Variants in MAGOHB observed in about 807,000 individuals in gnomAD.
MAGOHB encodes mago homolog B, exon junction complex subunit.
MAGOHB carries 15 observed loss-of-function variants against 20.9 expected under a neutral mutation model. That is an observed-to-expected ratio of 0.72 (90% CI 0.48 to 1.11). MAGOHB has a LOEUF of 1.11. Ranked by LOEUF, MAGOHB falls within the 50% of genes least tolerant of loss-of-function variation. MAGOHB has a pLI of 0.00. For missense variants in MAGOHB, 162 were observed against 177.6 expected, an observed-to-expected ratio of 0.91 and a Z score of 0.50; for synonymous variants, 50 against 57.9, an observed-to-expected ratio of 0.86 and a Z score of 0.62.
chr12:10,610,054 A>C (rs17742055), intron 2 of MAGOHB, 113 bp from the exon 3 acceptor site: 26,845 of 577,626 alleles, frequency 0.046, 745 homozygotes, highest in Middle Eastern at 0.08. Flanking sequence ...AGAAAAATTT[A>C]ATTGATTCCA....
intron 4 of MAGOHB, among the ~76,000 whole-genome samples, chr12:10,606,909 G>C (rs1865639246): frequency 6.6e-6 from 1 of 152,048 alleles, no homozygotes; most frequent in African/African-American, 2.4e-5. Flanking sequence ...TTTAGGAATA[G>C]TTCCATAGAA....
At position 10,613,321 on chromosome 12, in the gene MAGOHB, T is replaced by C; in HGVS notation, c.94+118A>G. 4.7e-6 allele frequency: 4 copies of C among 858,660 alleles called. 1 individual carries two copies. Among genetic ancestry groups the C allele is most frequent in the South Asian group, 4.1e-5 (3 of 73,678 alleles). The allele number at this position is 858,660 out of a possible 1,614,324, so 53.2% of individuals were successfully genotyped here. A position where few individuals can be genotyped will look rare whatever the true frequency, so the allele number is the denominator to read the frequency against. Reference sequence around the variant, plus strand: ...AACCAACTTATGCCTCCTCTATTCTTAAGCTCCTATTTCCTTCGAGGGAAG... The same window carrying C: ...AACCAACTTATGCCTCCTCTATTCTCAAGCTCCTATTTCCTTCGAGGGAAG... On this transcript the variant is annotated intron_variant, in intron 1 of 4. Transcript: ENST00000320756.
intron 1 of MAGOHB, chr12:10,612,997 C>A: frequency 9.9e-6 from 12 of 1,207,610 alleles, no homozygotes; most frequent in South Asian, 1.3e-5. Context: ...AACAATTACA[C>A]GTAAACACCT....
At chr12:10,600,421 TA>T (rs2120482194), downstream of MAGOHB, among the ~76,000 whole-genome samples, 1 of 152,166 alleles carries the variant, frequency 6.6e-6, no homozygotes, top group Non-Finnish European at 1.5e-5. Flanking sequence ...GGAAACTTTT[TA>T]AGCATAAAAT....
Position 10,612,190 on chromosome 12 carries a change from AATAACATAACATAACATAAC to A in MAGOHB, c.94+1229_94+1248del, listed in dbSNP as rs3059682. ...CATGGGGAAACCCATCTCTACAAAA[AATAACATAACATAACATAAC>A]ATAACATAACATAACATAACATAAC... On this transcript the variant is annotated intron_variant, in intron 1 of 4. Coordinates refer to ENST00000320756, the MANE Select transcript of MAGOHB (RefSeq NM_018048.5). Among the ~76,000 whole-genome samples, 686 of 141,452 alleles carry A rather than the reference AATAACATAACATAACATAAC, an allele frequency of 4.8e-3. 1 individual carries two copies. The highest frequency in any genetic ancestry group is 0.015 in the East Asian group (71 of 4,692). The allele number at this position is 141,452 out of a possible 152,430, so 92.8% of individuals were successfully genotyped here.
intron 3 of MAGOHB, chr12:10,609,019 T>C (rs956798301): frequency 6.3e-6 from 1 of 159,470 alleles, no homozygotes; most frequent in African/African-American, 2.4e-5. Flanking sequence ...CATATGTGTA[T>C]CTGCATAAAA....
At chr12:10,608,105 C>G (rs1319962973) in intron 3 of MAGOHB, 169 bp from the exon 4 acceptor site, 1 of 505,092 alleles carries the variant, frequency 2.0e-6, no homozygotes, top group Non-Finnish European at 3.4e-6. Flanking sequence ...AAACTATATC[C>G]TTAAAATAAA....
At chr12:10,610,803 C>A in intron 1 of MAGOHB, 123 bp from the exon 2 acceptor site, 2 of 919,496 alleles carry the variant, frequency 2.2e-6, no homozygotes, top group South Asian at 4.3e-5. Context: ...TTCCTCCCTC[C>A]TTGTGTAAGA....
downstream of MAGOHB, among the ~76,000 whole-genome samples, chr12:10,600,706 G>A (rs1414303055): frequency 6.6e-6 from 1 of 152,106 alleles, no homozygotes; most frequent in Non-Finnish European, 1.5e-5. Context: ...TCCACCATGA[G>A]GCAGACCCTG....
rs9989030 is a variant in MAGOHB at position 10,606,227 on chromosome 12, C to T, written c.*48G>A. On this transcript the variant is annotated 3_prime_UTR_variant, in exon 5 of 5. Coordinates refer to ENST00000320756, the MANE Select transcript of MAGOHB (RefSeq NM_018048.5). The stretch of plus-strand genomic sequence containing the variant: ...CCCAATACTGTAAATGACAAATAAC[C>T]CCTCCCATCCCTTAATTAAATATAC... The T allele has an allele frequency of 8.8e-4, 861 of 982,202 alleles. 4 individuals carry two copies. The African/African-American group carries it at 0.013, about 15-fold the overall frequency. 60.8% of individuals were successfully genotyped at this position (982,202 alleles called of 1,614,324 possible). A position where few individuals can be genotyped will look rare whatever the true frequency, so the allele number is the denominator to read the frequency against.
At chr12:10,603,608 T>G (rs1372991348), downstream of MAGOHB, among the ~76,000 whole-genome samples, 1 of 152,008 alleles carries the variant, frequency 6.6e-6, no homozygotes, top group East Asian at 1.9e-4. Flanking sequence ...TGATCTGTAA[T>G]TAAGACTTCT....
In MAGOHB at chr12:10,609,118, CTTCT is replaced by C. The variant is rs143403099; in HGVS notation, c.264+709_264+712del. The C allele has an allele frequency of 7.9e-4, 131 of 165,208 alleles. 1 individual carries two copies. The highest frequency in any genetic ancestry group is 3.1e-3 in the African/African-American group (129 of 42,014). 10.2% of individuals were successfully genotyped at this position (165,208 alleles called of 1,614,324 possible). A position where few individuals can be genotyped will look rare whatever the true frequency, so the allele number is the denominator to read the frequency against. On this transcript the variant is annotated intron_variant, in intron 3 of 4. Transcript: ENST00000320756. Reference sequence around the variant, plus strand: ...ATTACCTTTGCTTTTCTAAATAATGCTTCTTTAAGCAGAAGACTTAAGTTACTCC... The same window carrying C: ...ATTACCTTTGCTTTTCTAAATAATGCTTAAGCAGAAGACTTAAGTTACTCC...
chr12:10,609,459 T>C (rs949865222), intron 3 of MAGOHB: 10 of 403,270 alleles, frequency 2.5e-5, no homozygotes, highest in Admixed American at 1.0e-4. Context: ...CTCTGGGGTA[T>C]AGGGATGCAA....
At chr12:10,611,764 A>AG (rs1865744862) in intron 1 of MAGOHB, among the ~76,000 whole-genome samples, 9 of 149,434 alleles carry the variant, frequency 6.0e-5, no homozygotes. Flanking sequence ...AAAAAAAAAA[A>AG]AAAAAAAAAA....
downstream of MAGOHB, among the ~76,000 whole-genome samples, chr12:10,600,804 C>T (rs1865546801): frequency 6.6e-6 from 1 of 152,138 alleles, no homozygotes; most frequent in South Asian, 2.1e-4. Flanking sequence ...AGGAAACCAA[C>T]TTAAATTGTT....
At chr12:10,603,128 G>A (rs1375376973), downstream of MAGOHB, among the ~76,000 whole-genome samples, 1 of 151,844 alleles carries the variant, frequency 6.6e-6, no homozygotes, top group Non-Finnish European at 1.5e-5. Context: ...TGGCTAACAC[G>A]GTGAAACTCC....
intron 3 of MAGOHB, chr12:10,609,004 T>C (rs1163441440): frequency 6.5e-6 from 1 of 154,506 alleles, no homozygotes; most frequent in Non-Finnish European, 1.4e-5. Context: ...GTTTGCTTTT[T>C]AGTACATATG....
At chr12:10,612,190 A>AATAACATAACATAACATAACATAAC (rs3059682) in intron 1 of MAGOHB, among the ~76,000 whole-genome samples, 11 of 141,340 alleles carry the variant, frequency 7.8e-5, no homozygotes, top group Non-Finnish European at 1.1e-4. Context: ...CTCTACAAAA[A>AATAACATAACATAACATAACATAAC]ATAACATAAC....
chr12:10,606,227 C>A lies in MAGOHB; in HGVS notation c.*48G>T. 2.0e-6 allele frequency: 2 copies of A among 982,200 alleles called. No homozygotes were observed. Among genetic ancestry groups the A allele is most frequent in the South Asian group, 1.7e-5 (1 of 59,564 alleles). 60.8% of individuals were successfully genotyped at this position (982,200 alleles called of 1,614,324 possible). ...CCCAATACTGTAAATGACAAATAAC[C>A]CCTCCCATCCCTTAATTAAATATAC... On this transcript the variant is annotated 3_prime_UTR_variant, in exon 5 of 5. Coordinates refer to ENST00000320756, the MANE Select transcript of MAGOHB (RefSeq NM_018048.5).
Sources: allele counts gnomAD v4.1 joint callset (sites outside exome capture counted in the v4.1 genomes callset), GRCh38; gene constraint gnomAD v4.1.1; transcripts MANE v1.5; gene names NCBI Gene and HGNC (gene_info 2026-07-23, HGNC 2026-07-21).